The following PCDHA5 variants were observed in gnomAD, a reference collection of about 807,000 sequenced individuals.
PCDHA5 encodes protocadherin alpha 5.
Under a neutral mutation model 61.6 loss-of-function variants are expected in PCDHA5, and 43 were observed. The observed-to-expected ratio is 0.70, with a 90% CI of 0.55 to 0.90. The LOEUF (loss-of-function observed/expected upper bound fraction) is 0.90. Among genes scored for constraint, PCDHA5 ranks in the 40% least tolerant of loss-of-function variants. PCDHA5 has a pLI of 0.00. For synonymous variants in PCDHA5, 627 were observed against 543.9 expected (o/e 1.15, Z -2.13); for missense variants, 1,298 against 1,222.7 (o/e 1.06, Z -0.92).
chr5:141,007,935 C>G (rs2098352677), intron 3 of PCDHA5, among the ~76,000 whole-genome samples: 1 of 152,176 alleles, frequency 6.6e-6, no homozygotes, highest in African/African-American at 2.4e-5. Flanking sequence ...GAATTCTAAG[C>G]CACCTTTTTG....
At chr5:140,883,296 TA>T (rs1389927639) in intron 1 of PCDHA5, 1 of 1,613,994 alleles carries the variant, frequency 6.2e-7, no homozygotes, top group African/African-American at 1.3e-5. Flanking sequence ...GTACTAGATG[TA>T]AATGATAACG....
In PCDHA5 at chr5:140,843,447, G is replaced by T. The variant is rs2150360204; in HGVS notation, c.2352+19320G>T. The stretch of plus-strand genomic sequence containing the variant: ...ATCATCGCCATCTGCGCGGTATCCA[G>T]CCTGCTGGTGCTCACGCTGCTGCTG... On this transcript the variant is annotated intron_variant, in intron 1 of 3. Coordinates refer to ENST00000529859, the MANE Select transcript of PCDHA5 (RefSeq NM_018908.3). 44 of 1,596,056 alleles carry T rather than the reference G, an allele frequency of 2.8e-5. 4 individuals carry two copies. The highest frequency in any genetic ancestry group is 3.3e-4 in the Middle Eastern group (2 of 6,002).
At chr5:140,906,891 T>C (rs2073026399) in intron 1 of PCDHA5, among the ~76,000 whole-genome samples, 1 of 152,152 alleles carries the variant, frequency 6.6e-6, no homozygotes, top group South Asian at 2.1e-4. Context: ...CCTTCTTAGA[T>C]TGTTGGTTTA....
intron 1 of PCDHA5, among the ~76,000 whole-genome samples, chr5:140,827,789 G>T (rs1378424997): frequency 1.3e-5 from 2 of 152,206 alleles, no homozygotes; most frequent in Non-Finnish European, 2.9e-5. Context: ...AACACTGACC[G>T]TGCAAATTAC....
chr5:140,953,456 C>T (rs1159331179), intron 1 of PCDHA5, among the ~76,000 whole-genome samples: 1 of 152,110 alleles, frequency 6.6e-6, no homozygotes, highest in Admixed American at 6.5e-5. Context: ...GATTATCTGT[C>T]AGAGTTTTAA....
chr5:140,982,380 C>G, intron 2 of PCDHA5, 95 bp from the exon 3 acceptor site: 1 of 1,577,206 alleles, frequency 6.3e-7, no homozygotes, highest in Non-Finnish European at 8.6e-7. Flanking sequence ...AGCTGCAGCC[C>G]TGGCTTCATA....
In PCDHA5 at chr5:141,010,671, A is replaced by T. The variant is rs375520397; in HGVS notation, c.*734A>T. The T allele has an allele frequency of 5.7e-4, 94 of 164,082 alleles. 1 individual carries two copies. Among genetic ancestry groups the T allele is most frequent in the Non-Finnish European group, 1.2e-3 (86 of 74,622 alleles). The allele number at this position is 164,082 out of a possible 1,614,324, so 10.2% of individuals were successfully genotyped here. A position where few individuals can be genotyped will look rare whatever the true frequency, so the allele number is the denominator to read the frequency against. On this transcript the variant is annotated 3_prime_UTR_variant, in exon 4 of 4. Transcript: ENST00000529859. Reference sequence around the variant, plus strand: ...TGTTTTAACAGAGAACCACCCTGGGAAACAGAAGCAGATCTGATGTGTTTC... The same window carrying T: ...TGTTTTAACAGAGAACCACCCTGGGTAACAGAAGCAGATCTGATGTGTTTC...
intron 1 of PCDHA5, among the ~76,000 whole-genome samples, chr5:140,838,933 A>G (rs1168986941): frequency 6.6e-6 from 1 of 151,908 alleles, no homozygotes; most frequent in African/African-American, 2.4e-5. Context: ...AATAAAATGA[A>G]ATAATAAAAT....
chr5:140,946,731 G>T (rs1183627101), intron 1 of PCDHA5, among the ~76,000 whole-genome samples: 1 of 150,574 alleles, frequency 6.6e-6, no homozygotes, highest in African/African-American at 2.5e-5. Flanking sequence ...AATAAGCCAG[G>T]CACAGAAAGA....
chr5:140,929,717 A>G (rs1408315390), intron 1 of PCDHA5: 1 of 229,936 alleles, frequency 4.3e-6, no homozygotes, highest in Non-Finnish European at 9.0e-6. Flanking sequence ...ATGGAAGGTG[A>G]AACATTTACT....
chr5:140,828,082 G>T (rs369653273), intron 1 of PCDHA5: 1 of 1,582,914 alleles, frequency 6.3e-7, no homozygotes, highest in Non-Finnish European at 8.6e-7. Flanking sequence ...TAAAACCAGA[G>T]GTATTTGACA....
intron 1 of PCDHA5, among the ~76,000 whole-genome samples, chr5:140,939,879 T>C (rs565550218): frequency 2.0e-5 from 3 of 152,208 alleles, no homozygotes; most frequent in Non-Finnish European, 4.4e-5. Flanking sequence ...CTTTGCTAGT[T>C]GTGTTGTTCA....
intron 1 of PCDHA5, among the ~76,000 whole-genome samples, chr5:140,913,649 T>A (rs1284685382): frequency 1.3e-5 from 2 of 152,166 alleles, no homozygotes; most frequent in Non-Finnish European, 2.9e-5. Flanking sequence ...TTTCTAGTTC[T>A]TTAAGATGTA....
intron 1 of PCDHA5, chr5:140,858,387 T>C (rs1260966424): frequency 1.9e-6 from 3 of 1,582,118 alleles, no homozygotes; most frequent in Admixed American, 1.8e-5. Flanking sequence ...TGCCCAATGG[T>C]AGATGTGGAC....
chr5:140,833,761 C>CAG (rs1772632017), intron 1 of PCDHA5, among the ~76,000 whole-genome samples: 1 of 151,960 alleles, frequency 6.6e-6, no homozygotes, highest in South Asian at 2.1e-4. Flanking sequence ...AACACACACA[C>CAG]ACACACCGCT....
chr5:140,847,482 A>G (rs1283020613), intron 1 of PCDHA5: 1 of 149,956 alleles, frequency 6.7e-6, no homozygotes, highest in Non-Finnish European at 1.5e-5. Flanking sequence ...TTGGAATAAG[A>G]TAGTAAAACT....
intron 1 of PCDHA5, among the ~76,000 whole-genome samples, chr5:140,958,881 A>G (rs565016962): frequency 2.0e-5 from 3 of 152,092 alleles, no homozygotes; most frequent in Non-Finnish European, 2.9e-5. Flanking sequence ...AGAATTGACC[A>G]GTAGCTATAT....
At chr5:140,850,482 G>A (rs2150486061) in intron 1 of PCDHA5, 3 of 1,598,110 alleles carry the variant, frequency 1.9e-6, no homozygotes, top group Non-Finnish European at 2.6e-6. Context: ...GACGGCCACG[G>A]CCACTGTGCT....
chr5:140,968,488 C>A, intron 1 of PCDHA5: 1 of 1,614,148 alleles, frequency 6.2e-7, no homozygotes, highest in South Asian at 1.1e-5. Context: ...ACATGAATGA[C>A]CATGCCCCTC....
Sources: gnomAD v4.1 joint callset for allele counts (sites outside exome capture counted in the v4.1 genomes callset) on GRCh38, gnomAD v4.1.1 for gene constraint, MANE v1.5 for transcripts, NCBI Gene and HGNC (gene_info 2026-07-23, HGNC 2026-07-21) for gene names.